Variants in GRID2 observed in about 807,000 individuals in gnomAD.
The protein encoded by GRID2 is glutamate receptor ionotropic, delta-2.
Under a neutral mutation model 114.8 loss-of-function variants are expected in GRID2, and 33 were observed. The ratio of observed to expected loss-of-function variants is 0.29; its 90% CI spans 0.22 to 0.38. The LOEUF is 0.38. Ranked by LOEUF, GRID2 falls within the 10% of genes least tolerant of loss-of-function variation. The probability of loss-of-function intolerance (pLI) is 1.00; values close to 1 mark genes in which losing one functional copy is unlikely to be tolerated. For missense variants in GRID2, 1,184 were observed against 1,257.7 expected, an observed-to-expected ratio of 0.94 and a Z score of 0.89; for synonymous variants, 505 against 449.9, an observed-to-expected ratio of 1.12 and a Z score of -1.55.
At chr4:92,883,841 A>G (rs1432253079) in intron 2 of GRID2, among the ~76,000 whole-genome samples, 2 of 152,228 alleles carry the variant, frequency 1.3e-5, no homozygotes, top group African/African-American at 4.8e-5. Flanking sequence ...TTCCATTTAT[A>G]GAACACATGA....
chr4:92,758,753 T>C (rs1043824787), intron 2 of GRID2, among the ~76,000 whole-genome samples: 1 of 152,158 alleles, frequency 6.6e-6, no homozygotes, highest in Non-Finnish European at 1.5e-5. Context: ...TGTTTGTTTG[T>C]TTTACATTTT....
intron 13 of GRID2, among the ~76,000 whole-genome samples, chr4:93,569,036 A>G (rs1735693552): frequency 6.6e-6 from 1 of 152,182 alleles, no homozygotes; most frequent in Admixed American, 6.6e-5. Context: ...ATAAAGTTGT[A>G]AATGCCTGGA....
chr4:93,522,894 G>T (rs1730477022), intron 13 of GRID2, among the ~76,000 whole-genome samples: 1 of 152,120 alleles, frequency 6.6e-6, no homozygotes, highest in Non-Finnish European at 1.5e-5. Flanking sequence ...GAAAGTACTG[G>T]AAAGAGATGC....
intron 2 of GRID2, among the ~76,000 whole-genome samples, chr4:92,983,310 G>A (rs2149191305): frequency 6.6e-6 from 1 of 152,090 alleles, no homozygotes; most frequent in South Asian, 2.1e-4. Context: ...CATGGCTGAA[G>A]GTGAAAGGGC....
intron 13 of GRID2, among the ~76,000 whole-genome samples, chr4:93,613,328 C>A: frequency 7.2e-6 from 1 of 138,686 alleles, no homozygotes; most frequent in African/African-American, 2.7e-5. Context: ...AATCATTCTC[C>A]ATCCAGCTTT....
chr4:92,447,785 C>A (rs1222461377), intron 1 of GRID2, among the ~76,000 whole-genome samples: 1 of 152,132 alleles, frequency 6.6e-6, no homozygotes, highest in African/African-American at 2.4e-5. Context: ...TCTGAGTTCT[C>A]TTTTATAAAA....
At chr4:93,726,612 C>G (rs1478519528) in intron 14 of GRID2, among the ~76,000 whole-genome samples, 1 of 152,092 alleles carries the variant, frequency 6.6e-6, no homozygotes, top group African/African-American at 2.4e-5. Flanking sequence ...TCTTCCTACC[C>G]ATGAGCATGG....
intron 3 of GRID2, among the ~76,000 whole-genome samples, chr4:93,105,207 G>A (rs1408607411): frequency 1.3e-5 from 2 of 151,900 alleles, no homozygotes. Context: ...CTGCATATTA[G>A]CCCTTTGTCA....
At chr4:93,697,291 G>C (rs1727102308) in intron 14 of GRID2, among the ~76,000 whole-genome samples, 1 of 151,980 alleles carries the variant, frequency 6.6e-6, no homozygotes. Flanking sequence ...CTAGTTTGTG[G>C]GCTCTTAGAA....
At chr4:93,741,601 T>A (rs780095922) in intron 14 of GRID2, among the ~76,000 whole-genome samples, 2 of 152,162 alleles carry the variant, frequency 1.3e-5, no homozygotes, top group Non-Finnish European at 2.9e-5. Context: ...ACAAGCAAAT[T>A]AAACAACAGT....
chr4:93,145,993 TA>T (rs1420538218), intron 4 of GRID2, among the ~76,000 whole-genome samples: 1 of 152,084 alleles, frequency 6.6e-6, no homozygotes, highest in Non-Finnish European at 1.5e-5. Flanking sequence ...GACAAAGGTA[TA>T]TATATACACA....
intron 2 of GRID2, among the ~76,000 whole-genome samples, chr4:92,858,368 A>G (rs1320509853): frequency 2.6e-5 from 4 of 152,206 alleles, no homozygotes; most frequent in Non-Finnish European, 5.9e-5. Context: ...AGGTCAAAAT[A>G]TCAACATGAA....
At chr4:93,605,262 T>C (rs1022366154) in intron 13 of GRID2, among the ~76,000 whole-genome samples, 1 of 152,310 alleles carries the variant, frequency 6.6e-6, no homozygotes. Flanking sequence ...TCCTCAATCA[T>C]ATTAGCCACA....
chr4:92,341,630 A>C (rs899816250), intron 1 of GRID2, among the ~76,000 whole-genome samples: 13 of 152,038 alleles, frequency 8.6e-5, no homozygotes, highest in African/African-American at 3.1e-4. Context: ...GTATTTAAAA[A>C]ATTTATGTGG....
At chr4:93,525,288 A>G (rs527466990) in intron 13 of GRID2, among the ~76,000 whole-genome samples, 154 of 152,246 alleles carry the variant, frequency 1.0e-3, no homozygotes, top group African/African-American at 3.7e-3. Flanking sequence ...TAACAAAAAA[A>G]TGGGATAGGG....
intron 1 of GRID2, among the ~76,000 whole-genome samples, chr4:92,487,925 T>A (rs867829298): frequency 1.2e-4 from 18 of 152,334 alleles, no homozygotes; most frequent in Middle Eastern, 6.8e-3. Context: ...ATATATGTTA[T>A]AACATTTGAT....
chr4:93,715,961 C>T (rs1728867436), intron 14 of GRID2, among the ~76,000 whole-genome samples: 2 of 152,102 alleles, frequency 1.3e-5, no homozygotes, highest in Admixed American at 1.3e-4. Context: ...ACTTCCAATA[C>T]CACATTGAAT....
At chr4:92,927,529 C>T (rs1445181564) in intron 2 of GRID2, among the ~76,000 whole-genome samples, 1 of 151,704 alleles carries the variant, frequency 6.6e-6, no homozygotes, top group African/African-American at 2.4e-5. Context: ...GAAACCTGAT[C>T]CTAGGTACAA....
At chr4:93,475,235 T>G (rs1010185187) in intron 11 of GRID2, among the ~76,000 whole-genome samples, 1 of 152,156 alleles carries the variant, frequency 6.6e-6, no homozygotes, top group African/African-American at 2.4e-5. Flanking sequence ...CAAAAGAATA[T>G]GTGGAAAAGA....
Sources: allele counts gnomAD v4.1 joint callset (sites outside exome capture counted in the v4.1 genomes callset), GRCh38; gene constraint gnomAD v4.1.1; transcripts MANE v1.5; gene names NCBI Gene and HGNC (gene_info 2026-07-23, HGNC 2026-07-21).